Variants in KCNAB1 observed in about 807,000 individuals in gnomAD.
KCNAB1 encodes the protein potassium voltage-gated channel subfamily A regulatory beta subunit 1.
Under a neutral mutation model 64.6 loss-of-function variants are expected in KCNAB1, and 35 were observed. The observed-to-expected ratio is 0.54, with a 90% CI of 0.41 to 0.72. The LOEUF (loss-of-function observed/expected upper bound fraction) is 0.72, where lower values mean the gene tolerates loss of function less well. KCNAB1 is among the 30% of genes least tolerant of loss of function. KCNAB1 has a pLI of 0.00. For synonymous variants in KCNAB1, 177 were observed against 183.8 expected, an observed-to-expected ratio of 0.96 and a Z score of 0.30; for missense variants, 401 against 512.9, an observed-to-expected ratio of 0.78 and a Z score of 2.11.
chr3:156,467,213 A>G (rs1377151412), intron 7 of KCNAB1, among the ~76,000 whole-genome samples: 2 of 152,152 alleles, frequency 1.3e-5, no homozygotes, highest in Non-Finnish European at 2.9e-5. Context: ...GAAAAACAGA[A>G]TGTTGTATGG....
chr3:156,237,559 A>G (rs1012981357), intron 1 of KCNAB1, among the ~76,000 whole-genome samples: 14 of 152,150 alleles, frequency 9.2e-5, no homozygotes, highest in African/African-American at 3.4e-4. Flanking sequence ...TGTAACTTGT[A>G]AACACAATGA....
intron 1 of KCNAB1, among the ~76,000 whole-genome samples, chr3:156,344,854 C>T (rs1724378047): frequency 6.6e-6 from 1 of 152,116 alleles, no homozygotes; most frequent in Non-Finnish European, 1.5e-5. Flanking sequence ...GAAAATGGAA[C>T]ATCAACCTCT....
chr3:156,448,782 T>C (rs1291642844), intron 2 of KCNAB1, among the ~76,000 whole-genome samples: 1 of 152,080 alleles, frequency 6.6e-6, no homozygotes, highest in Non-Finnish European at 1.5e-5. Flanking sequence ...CTATAAGTCA[T>C]AATAAAGATG....
intron 1 of KCNAB1, among the ~76,000 whole-genome samples, chr3:156,330,636 T>C (rs1723271257): frequency 1.3e-5 from 2 of 152,150 alleles, no homozygotes; most frequent in South Asian, 4.1e-4. Context: ...CTAATCCCAT[T>C]ACATCACCTA....
chr3:156,291,079 G>T (rs1720375476), intron 1 of KCNAB1: 1 of 985,392 alleles, frequency 1.0e-6, no homozygotes, highest in Non-Finnish European at 1.2e-6. Flanking sequence ...CTGAGTCTGG[G>T]CAGAGCCCCT....
At chr3:156,282,355 T>G (rs1227721955) in intron 1 of KCNAB1, among the ~76,000 whole-genome samples, 2 of 143,750 alleles carry the variant, frequency 1.4e-5, no homozygotes, top group Non-Finnish European at 3.0e-5. Flanking sequence ...TTCTGTTCTT[T>G]TACATTTGCT....
intron 13 of KCNAB1, chr3:156,536,453 T>TA (rs1719062561): frequency 1.8e-6 from 1 of 544,950 alleles, no homozygotes; most frequent in Non-Finnish European, 3.3e-6. Flanking sequence ...CTTATGCCTT[T>TA]ATGCCTTCAT....
chr3:156,299,255 C>T (rs1166751515), intron 1 of KCNAB1, among the ~76,000 whole-genome samples: 1 of 152,220 alleles, frequency 6.6e-6, no homozygotes, highest in East Asian at 1.9e-4. Flanking sequence ...ATTCCCTTCT[C>T]TACATAGGCA....
chr3:156,413,711 C>A (rs1314661902), intron 1 of KCNAB1, among the ~76,000 whole-genome samples: 1 of 152,194 alleles, frequency 6.6e-6, no homozygotes, highest in African/African-American at 2.4e-5. Flanking sequence ...AGTAGCAATA[C>A]TGTCTTTATC....
At chr3:156,499,760 C>T (rs1716260530) in intron 8 of KCNAB1, among the ~76,000 whole-genome samples, 3 of 152,040 alleles carry the variant, frequency 2.0e-5, no homozygotes, top group Admixed American at 2.0e-4. Flanking sequence ...ACGGCTGTGG[C>T]AAAACATAAA....
intron 8 of KCNAB1, among the ~76,000 whole-genome samples, chr3:156,500,697 T>C (rs1216300042): frequency 6.6e-6 from 1 of 152,206 alleles, no homozygotes; most frequent in African/African-American, 2.4e-5. Context: ...ATAAATTGGA[T>C]CTATCAAATA....
chr3:156,447,259 TTTTA>T (rs1468978036), intron 2 of KCNAB1, among the ~76,000 whole-genome samples: 1 of 152,214 alleles, frequency 6.6e-6, no homozygotes, highest in East Asian at 1.9e-4. Context: ...ACATTATGTA[TTTTA>T]TTTTACATTT....
chr3:156,251,320 T>A (rs145336711), intron 1 of KCNAB1, among the ~76,000 whole-genome samples: 14 of 152,320 alleles, frequency 9.2e-5, no homozygotes, highest in Non-Finnish European at 1.8e-4. Flanking sequence ...TGCTTGATTG[T>A]CTAATTGTCC....
At chr3:156,315,281 C>T (rs1722201011) in intron 1 of KCNAB1, among the ~76,000 whole-genome samples, 1 of 150,912 alleles carries the variant, frequency 6.6e-6, no homozygotes, top group African/African-American at 2.5e-5. Context: ...CATCATCTAT[C>T]TGTAAGCAGG....
chr3:156,218,641 C>T (rs2108407205), intron 1 of KCNAB1, among the ~76,000 whole-genome samples: 1 of 152,052 alleles, frequency 6.6e-6, no homozygotes, highest in East Asian at 1.9e-4. Flanking sequence ...GTCCACTTCA[C>T]TTCCCTGCTA....
intron 1 of KCNAB1, among the ~76,000 whole-genome samples, chr3:156,158,233 A>C (rs1715873997): frequency 1.3e-5 from 2 of 150,798 alleles, no homozygotes; most frequent in South Asian, 4.2e-4. Flanking sequence ...TGGGCCAAAA[A>C]TGTAATTAAA....
intron 2 of KCNAB1, chr3:156,446,683 C>T (rs79407540): frequency 0.013 from 2,051 of 152,280 alleles, 45 homozygotes; most frequent in African/African-American, 0.046. Context: ...CCTTTTACAC[C>T]AGTAAATACT....
intron 1 of KCNAB1, among the ~76,000 whole-genome samples, chr3:156,401,717 G>T (rs1477897997): frequency 6.6e-6 from 1 of 152,160 alleles, no homozygotes; most frequent in African/African-American, 2.4e-5. Context: ...ACAAAGGCCT[G>T]CAGCCAACTT....
intron 10 of KCNAB1, among the ~76,000 whole-genome samples, chr3:156,515,662 G>A (rs1452607863): frequency 6.6e-6 from 1 of 152,112 alleles, no homozygotes; most frequent in Non-Finnish European, 1.5e-5. Flanking sequence ...ATTAAGTCGG[G>A]TACTATACAT....
Sources: gnomAD v4.1 joint callset for allele counts (sites outside exome capture counted in the v4.1 genomes callset) on GRCh38, gnomAD v4.1.1 for gene constraint, MANE v1.5 for transcripts, NCBI Gene and HGNC (gene_info 2026-07-23, HGNC 2026-07-21) for gene names.